The following SPATA31E1 variants were observed in gnomAD, a reference collection of about 807,000 sequenced individuals.
SPATA31E1 encodes spermatogenesis-associated protein 31E1.
SPATA31E1 carries 7 observed loss-of-function variants against 12.9 expected under a neutral mutation model. That is an observed-to-expected ratio of 0.54 (90% CI 0.31 to 1.02). The LOEUF is 1.02. Ranked by LOEUF, SPATA31E1 falls within the 50% of genes least tolerant of loss-of-function variation. The pLI is 0.05. For missense variants in SPATA31E1, 1,961 were observed against 1,799.8 expected (o/e 1.09, Z -1.62); for synonymous variants, 771 against 719.0 (o/e 1.07, Z -1.16).
At position 87,887,127 on chromosome 9, in the gene SPATA31E1, C is replaced by T. The variant is rs759622818; in HGVS notation, c.2640C>T (p.Ser880=). ...AATCCACCTTTACCCCCTGGGCCTCCTGGGTATCTCGGGTTGAATCTGTAC... is the reference window on the plus strand; with the variant it reads ...AATCCACCTTTACCCCCTGGGCCTCTTGGGTATCTCGGGTTGAATCTGTAC... ...FPQSTFTPWA[S]WVSRVESVPK... is the part of the protein sequence containing the mutation. The change falls in exon 4 of 4, where the codon TCC becomes TCT. Residue 880 remains serine (S), a synonymous_variant. Transcript: ENST00000325643. 5.5e-5 allele frequency: 89 copies of T among 1,613,978 alleles called. No individual in the cohort carries two copies. Among genetic ancestry groups the T allele is most frequent in the Middle Eastern group, 3.3e-4 (2 of 6,084 alleles).
chr9:87,886,207 C>A lies in SPATA31E1; in HGVS notation c.1720C>A (p.Arg574=), dbSNP rs561387061. 3 of 1,613,034 alleles carry A rather than the reference C, an allele frequency of 1.9e-6. No individual in the cohort carries two copies. Among genetic ancestry groups the A allele is most frequent in the Non-Finnish European group, 2.5e-6 (3 of 1,179,500 alleles). ...GTATCTTGAATGGCCCTTGAAGAAG[C>A]GACCAAAGTGGAAGAGGGTTTTGCC... ...KEYLEWPLKK[R]PKWKRVLPSL... The change falls in exon 4 of 4, where the codon CGA becomes AGA. Residue 574 remains arginine, a synonymous_variant. Transcript: ENST00000325643.
Position 87,887,889 on chromosome 9 carries a change from C to G in SPATA31E1, c.3402C>G (p.His1134Gln). Residue 1134 changes from histidine to glutamine, a missense_variant, in exon 4 of 4, where the codon CAC (histidine) becomes CAG (glutamine). Physicochemically the swap from His to Gln is conservative, Grantham distance 24. Transcript: ENST00000325643. The stretch of plus-strand genomic sequence containing the variant: ...CAGGCCTGTGCCTTCCAGGCCGCCA[C>G]ATGGACATGCTCACTGCCGCAGACA... ...GATGLCLPGR[H>Q]MDMLTAADRL... 1 of 1,613,872 alleles carries G rather than the reference C, an allele frequency of 6.2e-7. No individual in the cohort carries two copies. The highest frequency in any genetic ancestry group is 8.5e-7 in the Non-Finnish European group (1 of 1,180,042).
chr9:87,886,788 C>G lies in SPATA31E1; in HGVS notation c.2301C>G (p.Ile767Met), dbSNP rs768762376. ...DKEHLENKLQ[I>M]HLARKVGEIK... ...AGCATCTGGAAAACAAGCTGCAAAT[C>G]CATCTGGCCAGGAAGGTAGGGGAGA... Residue 767 changes from isoleucine (I) to methionine (M), a missense_variant, in exon 4 of 4, where the codon ATC (isoleucine) becomes ATG (methionine). Transcript: ENST00000325643. 1.9e-6 allele frequency: 3 copies of G among 1,614,098 alleles called. No individual in the cohort carries two copies. The highest frequency in any genetic ancestry group is 2.5e-6 in the Non-Finnish European group (3 of 1,180,024).
Position 87,887,403 on chromosome 9 carries a change from G to A in SPATA31E1, c.2916G>A (p.Gln972=). 1 of 1,613,830 alleles carries A rather than the reference G, an allele frequency of 6.2e-7. No individual in the cohort carries two copies. Among genetic ancestry groups the A allele is most frequent in the South Asian group, 1.1e-5 (1 of 91,086 alleles). The change falls in exon 4 of 4, where the codon CAG becomes CAA. Residue 972 remains glutamine, a synonymous_variant. Transcript: ENST00000325643. ...GCAGCCTTGTGGGCAGAACCTGGCAGAGCAGGACTGTCCTGGAATCCGGGA... is the reference window on the plus strand; with the variant it reads ...GCAGCCTTGTGGGCAGAACCTGGCAAAGCAGGACTGTCCTGGAATCCGGGA... ...PTCSLVGRTW[Q]SRTVLESGKP... is the part of the protein sequence containing the mutation.
rs146303708 is a variant in SPATA31E1 at position 87,883,177 on chromosome 9, G to A, written c.286G>A (p.Gly96Arg). 360 of 1,581,044 alleles carry A rather than the reference G, an allele frequency of 2.3e-4. 1 individual carries two copies. In the African/African-American group the frequency reaches 3.4e-3, roughly 15 times the overall value. ...CAGTGACCCACCCTCACCCCCGCCC[G>A]GGAGGAAGAGGAGCAGCAGGGAGGT... ...VHSDPPSPPP[G>R]RKRSSREPQR... The change falls in exon 1 of 4, where the codon GGG (glycine) becomes AGG (arginine). Residue 96 changes from glycine (G) to arginine (R), a missense_variant. Gly to Arg is a moderately radical substitution (Grantham distance 125). Coordinates refer to ENST00000325643, the MANE Select transcript of SPATA31E1 (RefSeq NM_178828.5).
rs368168443 is a variant in SPATA31E1 at position 87,884,582 on chromosome 9, G to A, written c.365-9G>A. On this transcript the variant is annotated splice_polypyrimidine_tract_variant and intron_variant, in intron 2 of 3. Coordinates refer to ENST00000325643, the MANE Select transcript of SPATA31E1 (RefSeq NM_178828.5). ...CCTCTCCACCATAACCCTGTCTCCT[G>A]ATTTCCAGCTTGCAGAATCCTCCTG... 52 of 1,614,020 alleles carry A rather than the reference G, an allele frequency of 3.2e-5. No homozygotes were observed. The highest frequency in any genetic ancestry group is 4.0e-5 in the Non-Finnish European group (47 of 1,180,010).
chr9:87,885,675 G>A lies in SPATA31E1; in HGVS notation c.1188G>A (p.Lys396=). Residue 396 remains lysine (K), a synonymous_variant, in exon 4 of 4, where the codon AAG becomes AAA. Coordinates refer to ENST00000325643, the MANE Select transcript of SPATA31E1 (RefSeq NM_178828.5). ...ADHPHMTSLG[K]EWDITTLNPF... is the part of the protein sequence containing the mutation. ...ACCCGCACATGACATCACTGGGGAA[G>A]GAGTGGGACATCACGACCCTAAATC... 1 of 1,613,838 alleles carries A rather than the reference G, an allele frequency of 6.2e-7. No individual in the cohort carries two copies. Among genetic ancestry groups the A allele is most frequent in the Non-Finnish European group, 8.5e-7 (1 of 1,180,028 alleles).
At position 87,886,278 on chromosome 9, in the gene SPATA31E1, C is replaced by T. The variant is rs1339621122; in HGVS notation, c.1791C>T (p.Ala597=). The T allele has an allele frequency of 6.2e-7, 1 of 1,613,810 alleles. No individual in the cohort carries two copies. The highest frequency in any genetic ancestry group is 8.5e-7 in the Non-Finnish European group (1 of 1,180,014). The change falls in exon 4 of 4, where the codon GCC becomes GCT. Residue 597 remains alanine (A), a synonymous_variant. Transcript: ENST00000325643. Reference sequence around the variant, plus strand: ...AGGCTGTTCTGAGCCAGCCCACTGCCCACCTTCCCCAAGAGAGGCCGGCCT... The same window carrying T: ...AGGCTGTTCTGAGCCAGCCCACTGCTCACCTTCCCCAAGAGAGGCCGGCCT... ...KSQAVLSQPT[A]HLPQERPASW...
Position 87,886,500 on chromosome 9 carries a change from G to A in SPATA31E1, c.2013G>A (p.Thr671=), listed in dbSNP as rs146469907. Residue 671 remains threonine (T), a synonymous_variant, in exon 4 of 4, where the codon ACG becomes ACA. Coordinates refer to ENST00000325643, the MANE Select transcript of SPATA31E1 (RefSeq NM_178828.5). The part of the protein sequence containing the change: ...PGRPQSQAED[T]QQALLPSQPS... ...GGCCCCAGAGTCAGGCAGAAGACAC[G>A]CAGCAGGCCCTCTTGCCCTCCCAGC... 6.5e-5 allele frequency: 105 copies of A among 1,613,826 alleles called. No homozygotes were observed. In the African/African-American group the frequency reaches 9.7e-4, roughly 15 times the overall value.
At position 87,886,501 on chromosome 9, in the gene SPATA31E1, C is replaced by T. The variant is rs375265482; in HGVS notation, c.2014C>T (p.Gln672Ter). ...GCCCCAGAGTCAGGCAGAAGACACG[C>T]AGCAGGCCCTCTTGCCCTCCCAGCC... ...GRPQSQAEDT[Q>*]QALLPSQPSD... Residue 672 changes from glutamine to a stop codon, truncating the protein, a stop_gained, in exon 4 of 4, where the codon CAG (glutamine) becomes TAG (stop). Transcript: ENST00000325643. LOFTEE classifies it low-confidence loss of function (END_TRUNC). The T allele has an allele frequency of 6.2e-7, 1 of 1,613,788 alleles. No individual in the cohort carries two copies. The highest frequency in any genetic ancestry group is 1.1e-5 in the South Asian group (1 of 91,072).
intron 1 of SPATA31E1, among the ~76,000 whole-genome samples, chr9:87,883,654 C>T (rs552313851): frequency 6.6e-6 from 1 of 152,294 alleles, no homozygotes; most frequent in African/African-American, 2.4e-5. Flanking sequence ...CACCACAGCC[C>T]CATGGTACCC....
rs770225307 is a variant in SPATA31E1 at position 87,882,990 on chromosome 9, C to T, written c.99C>T (p.Cys33=). ...CAGCTCCCAGACCATCTGTGGAGTG[C>T]ACAGGAGACGACATTGCACTTCAGA... The part of the protein sequence containing the change: ...PPPAPRPSVE[C]TGDDIALQME... Residue 33 remains cysteine, a synonymous_variant, in exon 1 of 4, where the codon TGC becomes TGT. Coordinates refer to ENST00000325643, the MANE Select transcript of SPATA31E1 (RefSeq NM_178828.5). 6.2e-7 allele frequency: 1 copy of T among 1,612,266 alleles called. No individual in the cohort carries two copies. The highest frequency in any genetic ancestry group is 1.1e-5 in the South Asian group (1 of 90,970).
rs1463221481 is a variant in SPATA31E1, at chr9:87,887,205, C to T, written c.2718C>T (p.Asn906=). The T allele has an allele frequency of 1.2e-6, 2 of 1,613,952 alleles. No homozygotes were observed. Among genetic ancestry groups the T allele is most frequent in the African/African-American group, 1.3e-5 (1 of 74,902 alleles). Residue 906 remains asparagine (N), a synonymous_variant, in exon 4 of 4, where the codon AAC becomes AAT. Transcript: ENST00000325643. ...GTCCTCAGAATGGTCCAGGAGACAACAGAACAACAAGCAAGTCAGTCCCGA... is the reference window on the plus strand; with the variant it reads ...GTCCTCAGAATGGTCCAGGAGACAATAGAACAACAAGCAAGTCAGTCCCGA... ...GKRPQNGPGD[N]RTTSKSVPTV... is the part of the protein sequence containing the mutation.
In SPATA31E1 at chr9:87,886,889, C is replaced by T. The variant is rs139866492; in HGVS notation, c.2402C>T (p.Thr801Ile). 1.7e-4 allele frequency: 280 copies of T among 1,614,128 alleles called. 2 individuals carry two copies. The African/African-American group carries it at 2.5e-3, about 15-fold the overall frequency. Residue 801 changes from threonine (T) to isoleucine (I), a missense_variant, in exon 4 of 4, where the codon ACC (threonine) becomes ATC (isoleucine). Coordinates refer to ENST00000325643, the MANE Select transcript of SPATA31E1 (RefSeq NM_178828.5). ...MAKCAVPKSD[T>I]HRKPGKLASW... is the part of the protein sequence containing the mutation. Reference sequence around the variant, plus strand: ...AAATGTGCTGTTCCCAAGTCTGACACCCACAGGAAACCTGGGAAGCTGGCA... The same window carrying T: ...AAATGTGCTGTTCCCAAGTCTGACATCCACAGGAAACCTGGGAAGCTGGCA...
In SPATA31E1 at chr9:87,886,578, G is replaced by T; in HGVS notation, c.2091G>T (p.Arg697Ser). Residue 697 changes from arginine (R) to serine (S), a missense_variant, in exon 4 of 4, where the codon AGG becomes AGT. Transcript: ENST00000325643. ...GRKDVQKTGF[R>S]SSGRFSDKGC... ...AGGATGTGCAGAAGACCGGGTTCAGGAGCTCCGGAAGGTTCTCTGACAAGG... is the reference window on the plus strand; with the variant it reads ...AGGATGTGCAGAAGACCGGGTTCAGTAGCTCCGGAAGGTTCTCTGACAAGG... 6.2e-7 allele frequency: 1 copy of T among 1,614,108 alleles called. No individual in the cohort carries two copies. The highest frequency in any genetic ancestry group is 8.5e-7 in the Non-Finnish European group (1 of 1,180,028).
chr9:87,884,127 G>T, intron 2 of SPATA31E1, 81 bp downstream of exon 2: 1 of 1,501,242 alleles, frequency 6.7e-7, no homozygotes. Flanking sequence ...GCAGAGGCCT[G>T]AGAGGGAAGC....
In SPATA31E1 at chr9:87,886,580, G is replaced by C; in HGVS notation, c.2093G>C (p.Ser698Thr). 1 of 1,614,088 alleles carries C rather than the reference G, an allele frequency of 6.2e-7. No individual in the cohort carries two copies. Among genetic ancestry groups the C allele is most frequent in the Non-Finnish European group, 8.5e-7 (1 of 1,180,028 alleles). ...GATGTGCAGAAGACCGGGTTCAGGA[G>C]CTCCGGAAGGTTCTCTGACAAGGGG... ...RKDVQKTGFR[S>T]SGRFSDKGCL... The change falls in exon 4 of 4, where the codon AGC (serine) becomes ACC (threonine). Residue 698 changes from serine (S) to threonine (T), a missense_variant. Physicochemically the swap from Ser to Thr is moderately conservative, Grantham distance 58. Coordinates refer to ENST00000325643, the MANE Select transcript of SPATA31E1 (RefSeq NM_178828.5).
intron 1 of SPATA31E1, 98 bp from the exon 2 acceptor site, chr9:87,883,894 G>A: frequency 2.2e-6 from 3 of 1,347,218 alleles, no homozygotes; most frequent in African/African-American, 1.5e-5. Context: ...GCTAGAGGCT[G>A]AGAGCCGTGT....
In SPATA31E1 at chr9:87,888,310, C is replaced by A. The variant is rs768261161; in HGVS notation, c.3823C>A (p.His1275Asn). 2.5e-6 allele frequency: 4 copies of A among 1,614,176 alleles called. No individual in the cohort carries two copies. The South Asian group carries it at 3.3e-5, about 13-fold the overall frequency. The change falls in exon 4 of 4, where the codon CAC becomes AAC. Residue 1275 changes from histidine (H) to asparagine (N), a missense_variant. Physicochemically the swap from His to Asn is moderately conservative, Grantham distance 68 (BLOSUM62 1). Transcript: ENST00000325643. ...GATCAGTCACCATCCACAGGGTCTA[C>A]ACCCCAGGAAAGGAGGCACACGGTG... ...RKISHHPQGL[H>N]PRKGGTRWED... is the part of the protein sequence containing the mutation.
Sources: gnomAD v4.1 joint callset for allele counts (sites outside exome capture counted in the v4.1 genomes callset) on GRCh38, gnomAD v4.1.1 for gene constraint, MANE v1.5 for transcripts, NCBI Gene and HGNC (gene_info 2026-07-23, HGNC 2026-07-21) for gene names.